EMSY: variants seen among roughly 807,000 people sequenced by gnomAD.
EMSY encodes EMSY transcriptional repressor, BRCA2 interacting, also known as BRCA2-interacting transcriptional repressor EMSY.
In EMSY, 26 loss-of-function variants were observed where a neutral mutation model predicts 134.6. The ratio of observed to expected loss-of-function variants is 0.19; its 90% CI spans 0.14 to 0.27. The LOEUF is 0.27. EMSY is among the 10% of genes least tolerant of loss of function. The pLI, the probability that EMSY is intolerant of heterozygous loss-of-function variation, is 1.00. For missense variants in EMSY, 1,305 were observed against 1,611.4 expected (o/e 0.81, Z 3.26); for synonymous variants, 579 against 577.8 (o/e 1.00, Z -0.03).
At chr11:76,457,601 A>G (rs924283329) in intron 4 of EMSY, among the ~76,000 whole-genome samples, 6 of 152,178 alleles carry the variant, frequency 3.9e-5, no homozygotes, top group Non-Finnish European at 8.8e-5. Flanking sequence ...AAGGATAATA[A>G]CAATACATTG....
chr11:76,521,211 C>A (rs1223756520), intron 11 of EMSY, among the ~76,000 whole-genome samples: 1 of 151,914 alleles, frequency 6.6e-6, no homozygotes, highest in Non-Finnish European at 1.5e-5. Flanking sequence ...GGAGTACATG[C>A]TAATTAGATC....
At chr11:76,534,723 G>A (rs1367510459) in intron 14 of EMSY, among the ~76,000 whole-genome samples, 1 of 152,056 alleles carries the variant, frequency 6.6e-6, no homozygotes, top group African/African-American at 2.4e-5. Context: ...ATTCAAAGCA[G>A]CCTCTTACTT....
At chr11:76,482,926 G>A (rs59168723) in intron 8 of EMSY, among the ~76,000 whole-genome samples, 40,906 of 151,944 alleles carry the variant, frequency 0.27, 5,804 homozygotes, top group Non-Finnish European at 0.32. Context: ...TCCTCGAGAA[G>A]AGCAACCCCA....
chr11:76,453,348 A>C, exon 4 of EMSY: 1 of 1,613,088 alleles, frequency 6.2e-7, no homozygotes, highest in Non-Finnish European at 8.5e-7. Flanking sequence ...TGAAGTTCGG[A>C]GAGCAGTAAA....
chr11:76,498,202 A>G (rs1590900191), intron 9 of EMSY, among the ~76,000 whole-genome samples: 1 of 152,140 alleles, frequency 6.6e-6, no homozygotes, highest in Non-Finnish European at 1.5e-5. Flanking sequence ...TATCATTTCA[A>G]TTCTTTTACG....
chr11:76,457,682 C>T (rs148949367), intron 4 of EMSY, among the ~76,000 whole-genome samples: 1 of 152,288 alleles, frequency 6.6e-6, no homozygotes, highest in East Asian at 1.9e-4. Flanking sequence ...TGTTTACTGC[C>T]TCAGTTTCCC....
At chr11:76,484,331 A>G (rs973050973) in intron 8 of EMSY, among the ~76,000 whole-genome samples, 3 of 152,200 alleles carry the variant, frequency 2.0e-5, no homozygotes, top group Admixed American at 6.5e-5. Flanking sequence ...TAACATCACA[A>G]TTAAAAGAAC....
At chr11:76,484,454 A>G (rs1023643285) in intron 8 of EMSY, among the ~76,000 whole-genome samples, 25 of 152,358 alleles carry the variant, frequency 1.6e-4, no homozygotes, top group African/African-American at 5.5e-4. Context: ...AAATCAGTGA[A>G]TCCAGGAGCT....
At chr11:76,454,689 A>C (rs756043525) in intron 4 of EMSY, 60 bp from the exon 5 acceptor site, 4 of 1,120,584 alleles carry the variant, frequency 3.6e-6, no homozygotes, top group Non-Finnish European at 5.0e-6. Context: ...TTGATGCATC[A>C]GTTTCATACT....
At position 76,518,703 on chromosome 11, in the gene EMSY, A is replaced by ATATATATTTT. The variant is rs57143914; in HGVS notation, c.1684+2392_1684+2393insATATATTTTT. ...TGCGCGCATATATATATATATATAT[A>ATATATATTTT]TTTTTTTTTTAATTGGGATCTAATA... On this transcript the variant is annotated intron_variant, in intron 11 of 20. Coordinates refer to ENST00000334736, the Ensembl canonical transcript of EMSY. Among the ~76,000 whole-genome samples, 553 of 130,142 alleles carry ATATATATTTT rather than the reference A, an allele frequency of 4.2e-3. 4 individuals carry two copies. The highest frequency in any genetic ancestry group is 0.013 in the African/African-American group (465 of 34,474). The allele number at this position is 130,142 out of a possible 152,430, so 85.4% of individuals were successfully genotyped here.
At chr11:76,507,865 C>CTTTTTTTTTTT (rs55756987) in intron 9 of EMSY, among the ~76,000 whole-genome samples, 88 of 118,544 alleles carry the variant, frequency 7.4e-4, no homozygotes, top group Non-Finnish European at 9.8e-4. Context: ...TTTTCTTTTT[C>CTTTTTTTTTTT]TTTTTTTTTT....
chr11:76,455,705 A>G (rs1490578889), intron 4 of EMSY, among the ~76,000 whole-genome samples: 3 of 152,202 alleles, frequency 2.0e-5, no homozygotes, highest in Non-Finnish European at 4.4e-5. Flanking sequence ...GGCTTGAAAC[A>G]TAACACGTGT....
intron 9 of EMSY, among the ~76,000 whole-genome samples, chr11:76,505,226 G>A (rs901702596): frequency 1.3e-5 from 2 of 152,082 alleles, no homozygotes; most frequent in Non-Finnish European, 2.9e-5. Flanking sequence ...GCTCATGCCT[G>A]TAATCCCAGC....
At chr11:76,451,571 C>T (rs1352264500) in intron 2 of EMSY, among the ~76,000 whole-genome samples, 1 of 152,128 alleles carries the variant, frequency 6.6e-6, no homozygotes, top group Non-Finnish European at 1.5e-5. Context: ...TTGTTGGTAT[C>T]ATTTGTGTTA....
chr11:76,539,721 T>C (rs1385357620), intron 17 of EMSY, 81 bp downstream of exon 18: 1 of 1,293,128 alleles, frequency 7.7e-7, no homozygotes, highest in African/African-American at 1.5e-5. Flanking sequence ...ATGGATGCGC[T>C]CTACTCTCAT....
chr11:76,496,216 T>C (rs775490904), exon 9 of EMSY: 1 of 1,612,702 alleles, frequency 6.2e-7, no homozygotes, highest in African/African-American at 1.3e-5. Flanking sequence ...TTTCTACAGG[T>C]GTATCTACAT....
At chr11:76,526,487 C>T in exon 13 of EMSY, 1 of 1,612,130 alleles carries the variant, frequency 6.2e-7, no homozygotes, top group Non-Finnish European at 8.5e-7. Flanking sequence ...CAGACAGTGC[C>T]AACAGGAGCA....
chr11:76,542,060 C>A, intron 17 of EMSY, 156 bp from the exon 19 acceptor site: 1 of 862,824 alleles, frequency 1.2e-6, no homozygotes, highest in Non-Finnish European at 1.9e-6. Flanking sequence ...AGTCACACAG[C>A]TCATAGATGG....
intron 14 of EMSY, among the ~76,000 whole-genome samples, chr11:76,533,867 G>C (rs1951132408): frequency 6.6e-6 from 1 of 152,142 alleles, no homozygotes; most frequent in South Asian, 2.1e-4. Flanking sequence ...TGCGTTCCAT[G>C]ACTTGATAGA....
Sources: allele counts gnomAD v4.1 joint callset (sites outside exome capture counted in the v4.1 genomes callset), GRCh38; gene constraint gnomAD v4.1.1; transcripts MANE v1.5; gene names NCBI Gene and HGNC (gene_info 2026-07-23, HGNC 2026-07-21).